Variants in ATP8A2 observed in about 807,000 individuals in gnomAD.
ATP8A2 encodes ATPase phospholipid transporting 8A2.
A neutral mutation model predicts 165.6 loss-of-function variants in ATP8A2; 100 were observed. That is an observed-to-expected ratio of 0.60 (90% confidence interval 0.51 to 0.71). The LOEUF (loss-of-function observed/expected upper bound fraction) is 0.71. ATP8A2 is among the 30% of genes least tolerant of loss of function. ATP8A2 has a pLI of 0.00. For synonymous variants in ATP8A2, 543 were observed against 548.8 expected (o/e 0.99, Z 0.15); for missense variants, 1,227 against 1,479.5 (o/e 0.83, Z 2.80).
At chr13:25,673,240 T>C (rs7321294) in intron 24 of ATP8A2, among the ~76,000 whole-genome samples, 2,452 of 152,230 alleles carry the variant, frequency 0.016, 63 homozygotes, top group African/African-American at 0.056. Flanking sequence ...ATTAGCAGAG[T>C]TCTGCAGACA....
At chr13:25,929,524 C>A (rs1281806155) in intron 33 of ATP8A2, among the ~76,000 whole-genome samples, 2 of 152,146 alleles carry the variant, frequency 1.3e-5, no homozygotes, top group Non-Finnish European at 2.9e-5. Context: ...ACCTGATACT[C>A]CCCTCCATGC....
At chr13:25,796,757 T>C (rs1566147503) in intron 27 of ATP8A2, among the ~76,000 whole-genome samples, 1 of 152,216 alleles carries the variant, frequency 6.6e-6, no homozygotes, top group African/African-American at 2.4e-5. Context: ...ATTCCAGGTG[T>C]ATTACTCATT....
chr13:25,690,754 G>C (rs2042706144), intron 24 of ATP8A2, among the ~76,000 whole-genome samples: 1 of 152,150 alleles, frequency 6.6e-6, no homozygotes, highest in East Asian at 1.9e-4. Context: ...AGGCACTTTG[G>C]AAAACAGTCT....
rs1050938596 is a variant in ATP8A2 at position 25,469,204 on chromosome 13, G to A, written c.221+83G>A. 8 of 1,509,126 alleles carry A rather than the reference G, an allele frequency of 5.3e-6. No individual in the cohort carries two copies. In the African/African-American group the frequency reaches 9.7e-5, roughly 18 times the overall value. The allele number at this position is 1,509,126 out of a possible 1,614,324, so 93.5% of individuals were successfully genotyped here. The stretch of plus-strand genomic sequence containing the variant: ...TCGTCCTCCTGCGCGGGGCTTGGCC[G>A]CGCACCTGGCCGGCCCCCGTCCATC... On this transcript the variant is annotated intron_variant, in intron 2 of 36. Transcript: ENST00000381655.
At chr13:25,560,976 TC>T (rs1426313802) in intron 15 of ATP8A2, among the ~76,000 whole-genome samples, 1 of 151,348 alleles carries the variant, frequency 6.6e-6, no homozygotes, top group African/African-American at 2.4e-5. Flanking sequence ...AAGCTCCGCC[TC>T]CCGGGTTCAT....
At chr13:25,427,266 T>G (rs2034478289) in intron 1 of ATP8A2, among the ~76,000 whole-genome samples, 1 of 151,970 alleles carries the variant, frequency 6.6e-6, no homozygotes, top group Non-Finnish European at 1.5e-5. Context: ...CTAGGTTGTG[T>G]GCACCTTATG....
At chr13:25,515,866 G>A (rs1436603811) in intron 2 of ATP8A2, among the ~76,000 whole-genome samples, 3 of 152,174 alleles carry the variant, frequency 2.0e-5, no homozygotes, top group African/African-American at 7.2e-5. Flanking sequence ...GAAACTGTGA[G>A]CTGTACACTT....
At chr13:25,566,102 T>A (rs66463221) in intron 16 of ATP8A2, among the ~76,000 whole-genome samples, 1 of 152,058 alleles carries the variant, frequency 6.6e-6, no homozygotes, top group Admixed American at 6.5e-5. Flanking sequence ...CTTTTCTCTA[T>A]TGAAGTTAGT....
rs140210935 is a variant in ATP8A2, at chr13:25,427,138, C to T, written c.77-41839C>T. On this transcript the variant is annotated intron_variant, in intron 1 of 36. Transcript: ENST00000381655. Reference sequence around the variant, plus strand: ...TGCAGAGCAGGAAGTGAGCAGTGGGCGAGCTAGCACGTGAAGCCTTATCTG... The same window carrying T: ...TGCAGAGCAGGAAGTGAGCAGTGGGTGAGCTAGCACGTGAAGCCTTATCTG... 6.2e-4 allele frequency among the ~76,000 whole-genome samples: 94 copies of T among 152,266 alleles called. 1 individual carries two copies. Among genetic ancestry groups the T allele is most frequent in the African/African-American group, 2.1e-3 (87 of 41,562 alleles).
At chr13:25,616,061 T>G (rs2040815186) in intron 24 of ATP8A2, among the ~76,000 whole-genome samples, 3 of 152,160 alleles carry the variant, frequency 2.0e-5, no homozygotes, top group Non-Finnish European at 2.9e-5. Flanking sequence ...TCCTGCCTCC[T>G]GTCTGTGATT....
At chr13:25,783,744 G>A (rs1402693410) in intron 27 of ATP8A2, among the ~76,000 whole-genome samples, 1 of 152,214 alleles carries the variant, frequency 6.6e-6, no homozygotes. Flanking sequence ...TCCCATCCAT[G>A]TTCTCTGTCT....
At chr13:25,639,578 T>C (rs2041460734) in intron 24 of ATP8A2, among the ~76,000 whole-genome samples, 1 of 152,166 alleles carries the variant, frequency 6.6e-6, no homozygotes, top group African/African-American at 2.4e-5. Flanking sequence ...ATGCACCCAA[T>C]ACAGGAGCAC....
At chr13:25,400,220 T>G (rs1313897452) in intron 1 of ATP8A2, among the ~76,000 whole-genome samples, 1 of 152,186 alleles carries the variant, frequency 6.6e-6, no homozygotes, top group Non-Finnish European at 1.5e-5. Context: ...CCACCACACC[T>G]GGTTTCTTGG....
At chr13:25,997,076 C>T (rs1956527163) in intron 35 of ATP8A2, among the ~76,000 whole-genome samples, 1 of 152,218 alleles carries the variant, frequency 6.6e-6, no homozygotes, top group African/African-American at 2.4e-5. Flanking sequence ...GCCTTGGCCT[C>T]CCAAAGTGCT....
chr13:26,018,953 G>A (rs543010465), intron 36 of ATP8A2, among the ~76,000 whole-genome samples: 3 of 152,316 alleles, frequency 2.0e-5, no homozygotes, highest in East Asian at 1.9e-4. Flanking sequence ...TTTATTAATA[G>A]TATATGAACT....
chr13:25,729,719 G>T (rs1555256245), intron 25 of ATP8A2, among the ~76,000 whole-genome samples: 1 of 147,022 alleles, frequency 6.8e-6, no homozygotes, highest in Non-Finnish European at 1.5e-5. Flanking sequence ...TTGTTAAACT[G>T]AAAAAAAAAA....
At chr13:25,783,321 T>C (rs2044934794) in intron 27 of ATP8A2, among the ~76,000 whole-genome samples, 1 of 152,224 alleles carries the variant, frequency 6.6e-6, no homozygotes, top group Non-Finnish European at 1.5e-5. Flanking sequence ...AATATGTTGG[T>C]GGGAAAACTA....
chr13:25,855,278 C>T (rs1952128015), intron 30 of ATP8A2, among the ~76,000 whole-genome samples: 1 of 151,990 alleles, frequency 6.6e-6, no homozygotes, highest in Non-Finnish European at 1.5e-5. Flanking sequence ...GAGTCACTCC[C>T]CATTTCTCCC....
At chr13:25,423,952 G>A (rs1482456084) in intron 1 of ATP8A2, among the ~76,000 whole-genome samples, 1 of 152,154 alleles carries the variant, frequency 6.6e-6, no homozygotes, top group East Asian at 1.9e-4. Flanking sequence ...GTTTAAAGAG[G>A]GATGTGAGGA....
Sources: allele counts gnomAD v4.1 joint callset (sites outside exome capture counted in the v4.1 genomes callset), GRCh38; gene constraint gnomAD v4.1.1; transcripts MANE v1.5; gene names NCBI Gene and HGNC (gene_info 2026-07-23, HGNC 2026-07-21).